Variants in PCCA observed in about 807,000 individuals in gnomAD.
PCCA encodes the protein propionyl-CoA carboxylase alpha chain, mitochondrial.
In PCCA, 74 loss-of-function variants were observed where a neutral mutation model predicts 101.3. The observed-to-expected ratio is 0.73, with a 90% confidence interval of 0.61 to 0.89. PCCA has a LOEUF of 0.89. PCCA is among the 40% of genes least tolerant of loss of function. The pLI is 0.00. For missense variants in PCCA, 891 were observed against 907.0 expected, an observed-to-expected ratio of 0.98 and a Z score of 0.23; for synonymous variants, 294 against 313.6, an observed-to-expected ratio of 0.94 and a Z score of 0.66.
chr13:100,462,821 A>G (rs907420150), intron 21 of PCCA, among the ~76,000 whole-genome samples: 1 of 152,230 alleles, frequency 6.6e-6, no homozygotes, highest in African/African-American at 2.4e-5. Flanking sequence ...CATTGGGCCC[A>G]TTGTCACCTA....
chr13:100,446,467 G>T (rs146527647), intron 20 of PCCA, among the ~76,000 whole-genome samples: 1 of 152,046 alleles, frequency 6.6e-6, no homozygotes, highest in Non-Finnish European at 1.5e-5. Flanking sequence ...TGCATTTATC[G>T]TATTGAATTA....
At chr13:100,264,779 T>C (rs558074773) in intron 10 of PCCA, among the ~76,000 whole-genome samples, 2 of 152,180 alleles carry the variant, frequency 1.3e-5, no homozygotes, top group Non-Finnish European at 2.9e-5. Context: ...GTGGGTACTC[T>C]GGTTGTGCTA....
At chr13:100,523,861 T>C (rs1440654639) in intron 22 of PCCA, among the ~76,000 whole-genome samples, 1 of 152,206 alleles carries the variant, frequency 6.6e-6, no homozygotes, top group African/African-American at 2.4e-5. Flanking sequence ...AATCATTAAG[T>C]CTTTATCAGA....
In PCCA at chr13:100,209,342, A is replaced by G. The variant is rs1173349585; in HGVS notation, c.479A>G (p.Asp160Gly). ...TGTTTTTCTCCACAGGCAGCAGAAG[A>G]TGTCGTTTTCATTGGACCTGACACA... The part of the protein sequence containing the change: ...KEFARCLAAE[D>G]VVFIGPDTHA... Residue 160 changes from aspartate to glycine, a missense_variant, in exon 7 of 24, where the codon GAT becomes GGT. By Grantham distance (94) the Asp-to-Gly change is moderately conservative (BLOSUM62 -1). Coordinates refer to ENST00000376285, the MANE Select transcript of PCCA (RefSeq NM_000282.4). 59 of 1,613,738 alleles carry G rather than the reference A, an allele frequency of 3.7e-5. No individual in the cohort carries two copies. The highest frequency in any genetic ancestry group is 4.7e-5 in the Non-Finnish European group (55 of 1,179,748).
intron 1 of PCCA, among the ~76,000 whole-genome samples, chr13:100,101,826 C>A (rs7318324): frequency 0.29 from 44,035 of 151,952 alleles, 7,327 homozygotes; most frequent in East Asian, 0.69. Context: ...TGGTCGCAAA[C>A]TCCTGACCTC....
intron 17 of PCCA, among the ~76,000 whole-genome samples, chr13:100,338,671 C>G (rs1566957812): frequency 6.7e-6 from 1 of 148,258 alleles, no homozygotes; most frequent in East Asian, 2.0e-4. Flanking sequence ...TTTCCAATGC[C>G]CATAAGAGTA....
At chr13:100,359,106 A>G (rs939671972) in intron 18 of PCCA, among the ~76,000 whole-genome samples, 16 of 151,746 alleles carry the variant, frequency 1.1e-4, no homozygotes, top group Middle Eastern at 6.8e-3. Context: ...CAAAAAAAAA[A>G]AAAAAGAAAA....
rs1473226823 is a variant in PCCA at position 100,403,540 on chromosome 13, A to T, written c.1747-22093A>T. ...GAGCGGGGGTGGGGATGTGCCACAC[A>T]CTTTTAAATGACCAGATTTCACTAA... On this transcript the variant is annotated intron_variant, in intron 19 of 23. Transcript: ENST00000376285. Among the ~76,000 whole-genome samples, 21 of 152,120 alleles carry T rather than the reference A, an allele frequency of 1.4e-4. 1 individual carries two copies. The highest frequency in any genetic ancestry group is 1.4e-3 in the Admixed American group (21 of 15,272).
intron 6 of PCCA, among the ~76,000 whole-genome samples, chr13:100,202,179 A>AAC (rs1429630845): frequency 1.3e-5 from 2 of 151,134 alleles, no homozygotes; most frequent in Non-Finnish European, 2.9e-5. Flanking sequence ...AAAAAAAAAA[A>AAC]AAAAAAAAAC....
At chr13:100,314,448 A>T (rs996145913) in intron 16 of PCCA, among the ~76,000 whole-genome samples, 4 of 152,148 alleles carry the variant, frequency 2.6e-5, no homozygotes, top group Non-Finnish European at 5.9e-5. Context: ...GTCATTCTTC[A>T]GTCCCTCTCC....
chr13:100,366,928 A>C (rs2075221369), intron 18 of PCCA, among the ~76,000 whole-genome samples: 1 of 152,264 alleles, frequency 6.6e-6, no homozygotes, highest in Non-Finnish European at 1.5e-5. Flanking sequence ...TTGAATCTAG[A>C]GGTGATTGGA....
intron 19 of PCCA, among the ~76,000 whole-genome samples, chr13:100,373,532 G>A (rs927023605): frequency 6.6e-6 from 1 of 152,174 alleles, no homozygotes; most frequent in Non-Finnish European, 1.5e-5. Flanking sequence ...ACTTATATGA[G>A]GTACCTGGAG....
chr13:100,354,086 T>TAATAATAAC (rs2073641923), intron 18 of PCCA, among the ~76,000 whole-genome samples: 1 of 141,526 alleles, frequency 7.1e-6, no homozygotes, highest in South Asian at 2.2e-4. Context: ...ATAATAATAA[T>TAATAATAAC]AATAATAATA....
chr13:100,182,336 A>T (rs1283748236), intron 6 of PCCA, among the ~76,000 whole-genome samples: 1 of 151,980 alleles, frequency 6.6e-6, no homozygotes, highest in Non-Finnish European at 1.5e-5. Context: ...ACCTCAGGTG[A>T]TCCTCCTGCC....
chr13:100,384,200 A>G (rs1460166274), intron 19 of PCCA, among the ~76,000 whole-genome samples: 1 of 152,084 alleles, frequency 6.6e-6, no homozygotes, highest in Non-Finnish European at 1.5e-5. Context: ...TAATTTTTGT[A>G]GTTTAAGTAG....
chr13:100,266,473 C>A (rs1245357957), intron 10 of PCCA, among the ~76,000 whole-genome samples: 2 of 152,084 alleles, frequency 1.3e-5, no homozygotes, highest in East Asian at 1.9e-4. Context: ...ATTTACTTTT[C>A]TTTAGTTTTC....
At chr13:100,288,388 CT>C (rs1371784342) in intron 12 of PCCA, among the ~76,000 whole-genome samples, 7 of 152,192 alleles carry the variant, frequency 4.6e-5, no homozygotes, top group African/African-American at 1.7e-4. Context: ...CCTTGAACTC[CT>C]GGGCTCAGGC....
Position 100,432,333 on chromosome 13 carries a change from T to A in PCCA, c.1845+6602T>A, listed in dbSNP as rs144482216. Among the ~76,000 whole-genome samples, 63 of 152,336 alleles carry A rather than the reference T, an allele frequency of 4.1e-4. No individual in the cohort carries two copies. In the Middle Eastern group the frequency reaches 0.01, roughly 25 times the overall value. On this transcript the variant is annotated intron_variant, in intron 20 of 23. Transcript: ENST00000376285. ...TGTAAATAAAAAGATGATTTTTCGC[T>A]TAATACGATCCTCAGTATATTTGCT...
chr13:100,213,139 T>G (rs776722981), intron 7 of PCCA, among the ~76,000 whole-genome samples: 23 of 152,216 alleles, frequency 1.5e-4, no homozygotes, highest in Non-Finnish European at 2.6e-4. Context: ...ATTCGTCTGT[T>G]GATGGACATT....
Sources: allele counts gnomAD v4.1 joint callset (sites outside exome capture counted in the v4.1 genomes callset), GRCh38; gene constraint gnomAD v4.1.1; transcripts MANE v1.5; gene names NCBI Gene and HGNC (gene_info 2026-07-23, HGNC 2026-07-21).